ZFYVE16: variants seen among roughly 807,000 people sequenced by gnomAD.
ZFYVE16 encodes the protein zinc finger FYVE-type containing 16.
ZFYVE16 carries 89 observed loss-of-function variants against 138.1 expected under a neutral mutation model. The ratio of observed to expected loss-of-function variants is 0.64; its 90% CI spans 0.54 to 0.77. ZFYVE16 has a LOEUF of 0.77. Among genes scored for constraint, ZFYVE16 ranks in the 30% least tolerant of loss-of-function variants. The pLI is 0.00. For missense variants in ZFYVE16, 1,793 were observed against 1,786.7 expected (o/e 1.00, Z -0.06); for synonymous variants, 596 against 618.3 (o/e 0.96, Z 0.53).
intron 5 of ZFYVE16, chr5:80,440,305 T>A (rs1383638270): frequency 1.9e-6 from 2 of 1,073,254 alleles, no homozygotes; most frequent in Admixed American, 5.2e-5. Flanking sequence ...GCATTTCATC[T>A]GCCTATTTGT....
chr5:80,469,052 G>A (rs910288275), intron 15 of ZFYVE16, among the ~76,000 whole-genome samples: 2 of 150,434 alleles, frequency 1.3e-5, no homozygotes, highest in African/African-American at 4.9e-5. Flanking sequence ...AATGGAATTT[G>A]AGATATCCAT....
chr5:80,427,237 A>C (rs2112272885), intron 1 of ZFYVE16, among the ~76,000 whole-genome samples: 1 of 152,150 alleles, frequency 6.6e-6, no homozygotes, highest in Non-Finnish European at 1.5e-5. Flanking sequence ...GGGTAGGATA[A>C]ATTCTTGATT....
chr5:80,456,575 A>C lies in ZFYVE16; in HGVS notation c.3795+10A>C. ...GAAAAAGTACAGTGATGTAAGTATA[A>C]TTGTTTTATTCAAATGACAATTATT... On this transcript the variant is annotated intron_variant, in intron 13 of 18. Coordinates refer to ENST00000505560, the MANE Select transcript of ZFYVE16 (RefSeq NM_001284236.3). 1 of 1,591,696 alleles carries C rather than the reference A, an allele frequency of 6.3e-7. No homozygotes were observed. Among genetic ancestry groups the C allele is most frequent in the Non-Finnish European group, 8.6e-7 (1 of 1,164,192 alleles).
rs368392774 is a variant in ZFYVE16, at chr5:80,461,982, C to CA, written c.4024+2498dup. Among the ~76,000 whole-genome samples the CA allele has an allele frequency of 9.0e-4, 130 of 145,230 alleles. 2 individuals carry two copies. Among genetic ancestry groups the CA allele is most frequent in the East Asian group, 2.0e-3 (10 of 5,022 alleles). On this transcript the variant is annotated intron_variant, in intron 15 of 18. Transcript: ENST00000505560. ...GACTGTCTCAAAAAACAAAACAAAA[C>CA]AAAAAAAAAACACCAGTCCTTTCAG...
rs192826266 is a variant in ZFYVE16 at position 80,433,010 on chromosome 5, A to G, written c.-39-1099A>G. Among the ~76,000 whole-genome samples the G allele has an allele frequency of 2.8e-3, 424 of 152,340 alleles. 2 individuals carry two copies. Among genetic ancestry groups the G allele is most frequent in the Admixed American group, 6.1e-3 (94 of 15,306 alleles). On this transcript the variant is annotated intron_variant, in intron 2 of 18. Coordinates refer to ENST00000505560, the MANE Select transcript of ZFYVE16 (RefSeq NM_001284236.3). ...GGTGGGATTGTAAACTAGTTCAACCATTGTGGACGTCAGTGTGGCGATTCC... is the reference window on the plus strand; with the variant it reads ...GGTGGGATTGTAAACTAGTTCAACCGTTGTGGACGTCAGTGTGGCGATTCC...
At chr5:80,411,294 T>TA (rs959174225) in intron 1 of ZFYVE16, among the ~76,000 whole-genome samples, 10 of 151,024 alleles carry the variant, frequency 6.6e-5, no homozygotes, top group South Asian at 2.1e-4. Flanking sequence ...TATATGCTTA[T>TA]AAAAAAAAAG....
intron 15 of ZFYVE16, among the ~76,000 whole-genome samples, chr5:80,463,028 A>C (rs779127745): frequency 7.9e-5 from 12 of 152,172 alleles, no homozygotes; most frequent in South Asian, 2.1e-4. Flanking sequence ...AGCTGCTTTC[A>C]TGTGCTGGCA....
chr5:80,430,783 A>G (rs1185388071), intron 2 of ZFYVE16, among the ~76,000 whole-genome samples: 3 of 152,330 alleles, frequency 2.0e-5, no homozygotes, highest in East Asian at 1.9e-4. Flanking sequence ...CAGAAATACA[A>G]ACTGCCATCA....
At chr5:80,433,356 A>G (rs1247960306) in intron 2 of ZFYVE16, among the ~76,000 whole-genome samples, 1 of 152,180 alleles carries the variant, frequency 6.6e-6, no homozygotes, top group Non-Finnish European at 1.5e-5. Context: ...CAAACACCGC[A>G]TATTCTCACT....
chr5:80,457,340 C>T (rs150697184), intron 14 of ZFYVE16, among the ~76,000 whole-genome samples: 50 of 152,236 alleles, frequency 3.3e-4, no homozygotes, highest in Admixed American at 2.0e-3. Flanking sequence ...TAGTATATCC[C>T]GTAGGGTGAG....
rs1379578701 is a variant in ZFYVE16 at position 80,481,181 on chromosome 5, G to A, written c.*3804G>A. 6.6e-6 allele frequency among the ~76,000 whole-genome samples: 1 copy of A among 152,134 alleles called. No individual in the cohort carries two copies. The highest frequency in any genetic ancestry group is 2.4e-5 in the African/African-American group (1 of 41,426). On this transcript the variant is annotated 3_prime_UTR_variant, in exon 19 of 19. Coordinates refer to ENST00000505560, the MANE Select transcript of ZFYVE16 (RefSeq NM_001284236.3). ...ACATCAATCCCGCAGCAGTAAAGAG[G>A]TATCACTCTTCTCTTCCCCCTGGTG...
At chr5:80,465,711 T>C (rs1013199872) in intron 15 of ZFYVE16, among the ~76,000 whole-genome samples, 3 of 150,072 alleles carry the variant, frequency 2.0e-5, no homozygotes, top group African/African-American at 7.3e-5. Context: ...GCCTGGCCTC[T>C]ACATAGTTTC....
At chr5:80,475,267 A>G (rs922931221) in intron 18 of ZFYVE16, among the ~76,000 whole-genome samples, 6 of 152,242 alleles carry the variant, frequency 3.9e-5, no homozygotes, top group African/African-American at 1.4e-4. Flanking sequence ...ACTAAATTCT[A>G]TATGTACATG....
At chr5:80,471,291 C>A (rs1754350668) in intron 15 of ZFYVE16, among the ~76,000 whole-genome samples, 1 of 152,158 alleles carries the variant, frequency 6.6e-6, no homozygotes, top group Non-Finnish European at 1.5e-5. Flanking sequence ...TGTTTGTAAC[C>A]AGCTTTTGCT....
rs1755277310 is a variant in ZFYVE16, at chr5:80,481,718, T to C, written c.*4341T>C. On this transcript the variant is annotated 3_prime_UTR_variant, in exon 19 of 19. Coordinates refer to ENST00000505560, the MANE Select transcript of ZFYVE16 (RefSeq NM_001284236.3). ...AACCCAAAATGATTGGACAAAGAAC[T>C]TGTGAAACCTAAGCAACTCTCTAGG... 2.6e-5 allele frequency among the ~76,000 whole-genome samples: 4 copies of C among 152,186 alleles called. No homozygotes were observed. The highest frequency in any genetic ancestry group is 4.1e-4 in the South Asian group (2 of 4,824).
chr5:80,447,303 G>A (rs796211559), intron 7 of ZFYVE16, among the ~76,000 whole-genome samples: 1 of 146,272 alleles, frequency 6.8e-6, no homozygotes, highest in African/African-American at 2.5e-5. Flanking sequence ...GAGAAAAGAT[G>A]AATATTTATC....
intron 5 of ZFYVE16, chr5:80,442,084 G>C: frequency 6.2e-6 from 2 of 324,186 alleles, no homozygotes; most frequent in Non-Finnish European, 8.9e-6. Flanking sequence ...GTGATAGATA[G>C]TTAACAGATT....
chr5:80,413,486 GAAAAA>G (rs992254164), intron 1 of ZFYVE16, among the ~76,000 whole-genome samples: 1 of 108,628 alleles, frequency 9.2e-6, no homozygotes, highest in African/African-American at 3.7e-5. Flanking sequence ...AAAAAAAAAA[GAAAAA>G]AAAAAGAGAA....
intron 4 of ZFYVE16, among the ~76,000 whole-genome samples, chr5:80,439,503 C>G (rs1412155604): frequency 1.3e-5 from 2 of 152,102 alleles, no homozygotes; most frequent in African/African-American, 4.8e-5. Context: ...TCTATAAATT[C>G]TAAGGGTTGC....
Sources: allele counts gnomAD v4.1 joint callset (sites outside exome capture counted in the v4.1 genomes callset), GRCh38; gene constraint gnomAD v4.1.1; transcripts MANE v1.5; gene names NCBI Gene and HGNC (gene_info 2026-07-23, HGNC 2026-07-21).